The following ERBB4 variants were observed in gnomAD, a reference collection of about 807,000 sequenced individuals.
The protein encoded by ERBB4 is receptor tyrosine-protein kinase erbB-4.
ERBB4 carries 42 observed loss-of-function variants against 158.0 expected under a neutral mutation model. That is an observed-to-expected ratio of 0.27 (90% CI 0.21 to 0.34). ERBB4 has a LOEUF of 0.34. ERBB4 is among the 10% of genes least tolerant of loss of function. ERBB4 has a pLI of 1.00. For synonymous variants in ERBB4, 583 were observed against 558.7 expected (o/e 1.04, Z -0.61); for missense variants, 1,333 against 1,624.1 (o/e 0.82, Z 3.08).
intron 19 of ERBB4, among the ~76,000 whole-genome samples, chr2:211,582,442 A>G (rs371246736): frequency 2.6e-5 from 4 of 152,320 alleles, no homozygotes; most frequent in African/African-American, 4.8e-5. Flanking sequence ...TTCCTTTAAG[A>G]ACCAGATCAA....
chr2:211,939,954 A>G (rs1357907849), intron 3 of ERBB4, among the ~76,000 whole-genome samples: 2 of 125,144 alleles, frequency 1.6e-5, no homozygotes, highest in African/African-American at 7.2e-5. Context: ...CTCAAAAAAA[A>G]AGGAAAAAAA....
intron 2 of ERBB4, among the ~76,000 whole-genome samples, chr2:212,121,423 G>T (rs146426300): frequency 1.0e-3 from 154 of 152,206 alleles, no homozygotes; most frequent in African/African-American, 3.5e-3. Context: ...ATGTTGGCCA[G>T]GCTGGTCTCA....
At chr2:212,134,666 T>G (rs2080212754) in intron 1 of ERBB4, among the ~76,000 whole-genome samples, 1 of 145,170 alleles carries the variant, frequency 6.9e-6, no homozygotes, top group Admixed American at 6.9e-5. Flanking sequence ...TGAAATTAAC[T>G]AAACACTTTC....
At chr2:212,497,186 A>AC (rs113030978) in intron 1 of ERBB4, among the ~76,000 whole-genome samples, 49,878 of 150,844 alleles carry the variant, frequency 0.33, 11,885 homozygotes, top group African/African-American at 0.68. Context: ...CTCAAAAAAA[A>AC]AAAAAAAAAA....
At chr2:211,676,079 A>C (rs1188853085) in intron 13 of ERBB4, among the ~76,000 whole-genome samples, 4 of 152,086 alleles carry the variant, frequency 2.6e-5, no homozygotes, top group Non-Finnish European at 5.9e-5. Flanking sequence ...TCGTTTGCCC[A>C]AGTTTGGATG....
intron 1 of ERBB4, among the ~76,000 whole-genome samples, chr2:212,389,950 T>C (rs2090803411): frequency 6.6e-6 from 1 of 151,806 alleles, no homozygotes; most frequent in African/African-American, 2.4e-5. Context: ...AACTCTGCTC[T>C]AGACTCTGCT....
chr2:212,050,634 C>T (rs1249774862), intron 2 of ERBB4, among the ~76,000 whole-genome samples: 2 of 152,006 alleles, frequency 1.3e-5, no homozygotes, highest in Non-Finnish European at 2.9e-5. Flanking sequence ...AAAAAGTAGT[C>T]GGGACTAATC....
At chr2:212,493,341 A>G (rs1249606129) in intron 1 of ERBB4, among the ~76,000 whole-genome samples, 7 of 151,572 alleles carry the variant, frequency 4.6e-5, no homozygotes, top group African/African-American at 1.7e-4. Flanking sequence ...GCAAAGAAAT[A>G]GACAAGTATA....
chr2:211,898,651 A>T (rs992572143), intron 3 of ERBB4, among the ~76,000 whole-genome samples: 1 of 152,002 alleles, frequency 6.6e-6, no homozygotes, highest in African/African-American at 2.4e-5. Flanking sequence ...GCACTGCTTG[A>T]CTCTTTTGTA....
chr2:211,792,250 A>C (rs943290963), intron 3 of ERBB4, among the ~76,000 whole-genome samples: 5 of 151,792 alleles, frequency 3.3e-5, no homozygotes, highest in Non-Finnish European at 5.9e-5. Flanking sequence ...CCTATGTTTC[A>C]TAAAGTATGA....
intron 2 of ERBB4, among the ~76,000 whole-genome samples, chr2:212,117,333 C>A (rs1328202981): frequency 1.3e-5 from 2 of 152,096 alleles, no homozygotes; most frequent in Non-Finnish European, 2.9e-5. Context: ...TTTTTTAATG[C>A]TTGTTTACCC....
intron 1 of ERBB4, among the ~76,000 whole-genome samples, chr2:212,169,954 G>A (rs571683771): frequency 1.3e-5 from 2 of 152,222 alleles, no homozygotes; most frequent in South Asian, 2.1e-4. Context: ...CCAGTCTCAG[G>A]TATGTCTTTA....
chr2:211,875,794 A>G (rs567665281), intron 3 of ERBB4, among the ~76,000 whole-genome samples: 8 of 152,258 alleles, frequency 5.3e-5, no homozygotes, highest in Admixed American at 2.0e-4. Context: ...CATTTTTAAT[A>G]TTTTATACCA....
At chr2:211,461,322 A>G (rs991966098) in intron 20 of ERBB4, among the ~76,000 whole-genome samples, 21 of 152,216 alleles carry the variant, frequency 1.4e-4, no homozygotes, top group African/African-American at 4.8e-4. Flanking sequence ...TAATGAGATG[A>G]AAGAAATCGG....
chr2:211,444,125 C>A (rs913113223), intron 20 of ERBB4, among the ~76,000 whole-genome samples: 1 of 124,578 alleles, frequency 8.0e-6, no homozygotes, highest in Non-Finnish European at 1.7e-5. Flanking sequence ...TGTATACTTT[C>A]ATTTCTGTGT....
chr2:211,708,639 TCTCTCA>T (rs2073548850), intron 9 of ERBB4, among the ~76,000 whole-genome samples: 1 of 109,204 alleles, frequency 9.2e-6, no homozygotes, highest in African/African-American at 2.8e-5. Flanking sequence ...TCTCTCTCTC[TCTCTCA>T]CTATCTTTCC....
At chr2:212,051,989 G>A (rs942310206) in intron 2 of ERBB4, among the ~76,000 whole-genome samples, 1 of 152,096 alleles carries the variant, frequency 6.6e-6, no homozygotes, top group Non-Finnish European at 1.5e-5. Flanking sequence ...CAACTTGACT[G>A]GATTGAAGGA....
intron 1 of ERBB4, among the ~76,000 whole-genome samples, chr2:212,286,594 C>CT (rs71054190): frequency 0.066 from 3,673 of 55,464 alleles, 302 homozygotes; most frequent in South Asian, 0.11. Flanking sequence ...TAAGTGCTGA[C>CT]TTTTTTTTTT....
intron 1 of ERBB4, among the ~76,000 whole-genome samples, chr2:212,399,448 A>G (rs1437714704): frequency 6.6e-6 from 1 of 150,804 alleles, no homozygotes; most frequent in East Asian, 2.0e-4. Context: ...GTGATTCTGC[A>G]CAATGGTGAT....
Sources: allele counts gnomAD v4.1 joint callset (sites outside exome capture counted in the v4.1 genomes callset), GRCh38; gene constraint gnomAD v4.1.1; transcripts MANE v1.5; gene names NCBI Gene and HGNC (gene_info 2026-07-23, HGNC 2026-07-21).